Variants in ZNF846 observed in about 807,000 individuals in gnomAD.
The protein encoded by ZNF846 is zinc finger protein 846.
A neutral mutation model predicts 16.0 loss-of-function variants in ZNF846; 15 were observed. The observed-to-expected ratio is 0.94, with a 90% CI of 0.63 to 1.45. The LOEUF is 1.45. ZNF846 is among the 40% of genes most tolerant of loss of function. The pLI is 0.00. For missense variants in ZNF846, 714 were observed against 622.3 expected (o/e 1.15, Z -1.57); for synonymous variants, 229 against 212.0 (o/e 1.08, Z -0.70).
At chr19:9,784,909 C>T (rs1181781362) in intron 1 of ZNF846, among the ~76,000 whole-genome samples, 1 of 152,186 alleles carries the variant, frequency 6.6e-6, no homozygotes, top group Non-Finnish European at 1.5e-5. Flanking sequence ...AGGGTTGGGG[C>T]TAAGGTTACA....
At chr19:9,771,326 C>T (rs182282524), upstream of ZNF846, among the ~76,000 whole-genome samples, 5 of 152,152 alleles carry the variant, frequency 3.3e-5, no homozygotes, top group East Asian at 5.8e-4. Flanking sequence ...TACAGACATG[C>T]GCCACCATGC....
At chr19:9,759,870 C>T in exon 5 of ZNF846, 1 of 1,611,344 alleles carries the variant, frequency 6.2e-7, no homozygotes, top group Non-Finnish European at 8.5e-7. Context: ...CAATTGTACT[C>T]CATTTGGTGA....
chr19:9,786,013 C>A (rs1010431440), exon 1 of ZNF846: 3 of 151,724 alleles, frequency 2.0e-5, no homozygotes, highest in Non-Finnish European at 4.4e-5. Context: ...GCTGTGGCCA[C>A]GCGCACTTCT....
chr19:9,757,629 C>A (rs996648041), exon 6 of ZNF846: 11 of 1,613,514 alleles, frequency 6.8e-6, no homozygotes, highest in African/African-American at 4.0e-5. Context: ...GGCTTTCCCA[C>A]ATTCTTTACA....
At chr19:9,777,670 A>G (rs538906575) in intron 1 of ZNF846, among the ~76,000 whole-genome samples, 2 of 151,052 alleles carry the variant, frequency 1.3e-5, no homozygotes, top group South Asian at 4.2e-4. Flanking sequence ...ACTCTGTCCA[A>G]AAAAAAAAAT....
At chr19:9,751,376 TTTTA>T (rs781457849), downstream of ZNF846, among the ~76,000 whole-genome samples, 12 of 152,044 alleles carry the variant, frequency 7.9e-5, no homozygotes, top group South Asian at 8.3e-4. Context: ...ACTATTCTTA[TTTTA>T]TTTATTATTT....
exon 6 of ZNF846, chr19:9,758,363 G>A (rs374583610): frequency 6.8e-6 from 11 of 1,613,172 alleles, no homozygotes; most frequent in Non-Finnish European, 9.3e-6. Flanking sequence ...TAAGGTGTGA[G>A]GAATTACTGA....
intron 1 of ZNF846, among the ~76,000 whole-genome samples, chr19:9,785,065 C>A (rs1405256078): frequency 6.6e-6 from 1 of 152,150 alleles, no homozygotes; most frequent in Non-Finnish European, 1.5e-5. Flanking sequence ...TTTCTTTTCC[C>A]CCGCACATAT....
intron 1 of ZNF846, among the ~76,000 whole-genome samples, chr19:9,782,816 C>T (rs1005048170): frequency 6.6e-6 from 1 of 152,192 alleles, no homozygotes; most frequent in African/African-American, 2.4e-5. Context: ...TTGAAAGGAA[C>T]AAATGGCTTT....
chr19:9,769,853 C>T (rs1319116874), upstream of ZNF846, among the ~76,000 whole-genome samples: 15 of 151,904 alleles, frequency 9.9e-5, no homozygotes, highest in East Asian at 5.8e-4. Flanking sequence ...TGGTGGTGGG[C>T]GCCTGTAATC....
downstream of ZNF846, among the ~76,000 whole-genome samples, chr19:9,753,569 A>G (rs1177878619): frequency 6.6e-6 from 1 of 151,468 alleles, no homozygotes; most frequent in African/African-American, 2.4e-5. Context: ...GACAAAATTT[A>G]GACTACAGCA....
chr19:9,780,315 C>T (rs1263287828), intron 1 of ZNF846, among the ~76,000 whole-genome samples: 1 of 151,918 alleles, frequency 6.6e-6, no homozygotes, highest in East Asian at 1.9e-4. Context: ...GTGATCCTCC[C>T]GCCCCAGCCT....
At chr19:9,751,807 C>T (rs1368456039), downstream of ZNF846, among the ~76,000 whole-genome samples, 2 of 152,156 alleles carry the variant, frequency 1.3e-5, no homozygotes, top group East Asian at 1.9e-4. Context: ...CAAAAAAAGT[C>T]GCTCCTAACT....
At chr19:9,765,732 C>A (rs928635493) in intron 1 of ZNF846, among the ~76,000 whole-genome samples, 1 of 152,084 alleles carries the variant, frequency 6.6e-6, no homozygotes, top group African/African-American at 2.4e-5. Flanking sequence ...CAGACATAGT[C>A]TTTTCCATGG....
chr19:9,767,716 C>G (rs1360881356), intron 1 of ZNF846, among the ~76,000 whole-genome samples: 6 of 152,058 alleles, frequency 3.9e-5, no homozygotes, highest in Non-Finnish European at 8.8e-5. Context: ...GAGGGTGGAT[C>G]ACGAGGTCAG....
chr19:9,756,345 G>GTATATATATATATATA (rs369347660), downstream of ZNF846: 47 of 81,748 alleles, frequency 5.7e-4, no homozygotes, highest in African/African-American at 1.6e-3. Context: ...GTGTGTGTGT[G>GTATATATATATATATA]TATATATATA....
chr19:9,759,261 G>A lies in ZNF846; in HGVS notation c.313-497C>T, dbSNP rs946007274. ...GATCTGCCCGCTTTGGCCTCCCAAAGTGCTGGGATTACAGGCATTAGCCAC... is the reference window on the plus strand; with the variant it reads ...GATCTGCCCGCTTTGGCCTCCCAAAATGCTGGGATTACAGGCATTAGCCAC... On this transcript the variant is annotated intron_variant, in intron 5 of 5. Transcript: ENST00000397902. 2.6e-5 allele frequency among the ~76,000 whole-genome samples: 4 copies of A among 151,732 alleles called. No individual in the cohort carries two copies. The East Asian group carries it at 5.8e-4, about 22-fold the overall frequency.
exon 6 of ZNF846, chr19:9,752,433 C>T (rs557185986): frequency 4.8e-6 from 2 of 418,398 alleles, no homozygotes; most frequent in Non-Finnish European, 4.8e-6. Context: ...CATGATGAAA[C>T]TTCGTCTCTA....
downstream of ZNF846, among the ~76,000 whole-genome samples, chr19:9,753,467 G>T (rs567818017): frequency 2.7e-4 from 41 of 150,124 alleles, 2 homozygotes; most frequent in African/African-American, 1.0e-3. Flanking sequence ...CCTTAGCCAG[G>T]ATGGTCTCAA....
Sources: allele counts gnomAD v4.1 joint callset (sites outside exome capture counted in the v4.1 genomes callset), GRCh38; gene constraint gnomAD v4.1.1; transcripts MANE v1.5; gene names NCBI Gene and HGNC (gene_info 2026-07-23, HGNC 2026-07-21).